Variants in ARHGAP15 observed in about 807,000 individuals in gnomAD.
The protein encoded by ARHGAP15 is Rho GTPase activating protein 15.
In ARHGAP15, 51 loss-of-function variants were observed where a neutral mutation model predicts 63.7. That is an observed-to-expected ratio of 0.80 (90% CI 0.64 to 1.01). The LOEUF is 1.01. Ranked by LOEUF, ARHGAP15 falls within the 50% of genes least tolerant of loss-of-function variation. The pLI is 0.00. For missense variants in ARHGAP15, 560 were observed against 564.6 expected, an observed-to-expected ratio of 0.99 and a Z score of 0.08; for synonymous variants, 191 against 193.8, an observed-to-expected ratio of 0.99 and a Z score of 0.12.
At chr2:143,509,344 A>AAT (rs1327336095) in intron 9 of ARHGAP15, among the ~76,000 whole-genome samples, 3 of 152,024 alleles carry the variant, frequency 2.0e-5, no homozygotes, top group South Asian at 4.1e-4. Flanking sequence ...AAAAAAAAAA[A>AAT]AATAAGTAAA....
At chr2:143,644,947 A>G (rs1431867878) in intron 12 of ARHGAP15, among the ~76,000 whole-genome samples, 8 of 152,102 alleles carry the variant, frequency 5.3e-5, no homozygotes, top group African/African-American at 1.9e-4. Context: ...AAAGTATAGA[A>G]AACTGTATGT....
chr2:143,720,472 G>A (rs1212767014), intron 13 of ARHGAP15, among the ~76,000 whole-genome samples: 1 of 152,152 alleles, frequency 6.6e-6, no homozygotes, highest in Admixed American at 6.5e-5. Flanking sequence ...TCCATCAGAA[G>A]AGCCTAATGG....
intron 13 of ARHGAP15, among the ~76,000 whole-genome samples, chr2:143,747,893 T>TA (rs145891403): frequency 0.022 from 3,313 of 152,272 alleles, 100 homozygotes; most frequent in African/African-American, 0.074. Flanking sequence ...TCAGAACACA[T>TA]ATACTTTTTA....
At chr2:143,675,059 C>T (rs1364026834) in intron 12 of ARHGAP15, among the ~76,000 whole-genome samples, 1 of 152,218 alleles carries the variant, frequency 6.6e-6, no homozygotes, top group Non-Finnish European at 1.5e-5. Context: ...TCAAACTCTG[C>T]CACTGCTTTA....
intron 11 of ARHGAP15, among the ~76,000 whole-genome samples, chr2:143,572,415 C>T (rs114770483): frequency 0.012 from 1,796 of 152,246 alleles, 34 homozygotes; most frequent in African/African-American, 0.04. Context: ...TTCCTCTCTC[C>T]CTCTCCCTTT....
intron 10 of ARHGAP15, among the ~76,000 whole-genome samples, chr2:143,538,043 C>G (rs1187179981): frequency 2.0e-5 from 3 of 152,188 alleles, no homozygotes; most frequent in Non-Finnish European, 2.9e-5. Flanking sequence ...TTTGTATCCT[C>G]TTTTATTTCC....
chr2:143,302,632 A>G (rs1310623180), intron 6 of ARHGAP15, among the ~76,000 whole-genome samples: 1 of 152,032 alleles, frequency 6.6e-6, no homozygotes, highest in Non-Finnish European at 1.5e-5. Context: ...TCCAGTTTGT[A>G]GATGACTCTA....
At chr2:143,496,877 A>G (rs1157606563) in intron 9 of ARHGAP15, among the ~76,000 whole-genome samples, 2 of 152,200 alleles carry the variant, frequency 1.3e-5, no homozygotes, top group Non-Finnish European at 2.9e-5. Context: ...TAAAACCCAT[A>G]CTAAATTTTG....
chr2:143,419,028 A>C (rs963945742), intron 6 of ARHGAP15, among the ~76,000 whole-genome samples: 2 of 152,224 alleles, frequency 1.3e-5, no homozygotes, highest in African/African-American at 4.8e-5. Context: ...CATTCAAAAT[A>C]AATTGGGGAA....
intron 3 of ARHGAP15, among the ~76,000 whole-genome samples, chr2:143,214,348 C>T (rs906737326): frequency 1.3e-5 from 2 of 152,044 alleles, no homozygotes; most frequent in East Asian, 1.9e-4. Flanking sequence ...AGAAAGGAAC[C>T]TCCTTTGTGG....
intron 2 of ARHGAP15, among the ~76,000 whole-genome samples, chr2:143,177,869 G>A (rs1373941788): frequency 2.0e-5 from 3 of 151,932 alleles, no homozygotes; most frequent in African/African-American, 7.3e-5. Context: ...CTTTATTTTA[G>A]AAAATAGTTA....
intron 11 of ARHGAP15, among the ~76,000 whole-genome samples, chr2:143,580,547 A>G (rs928364390): frequency 6.6e-6 from 1 of 152,128 alleles, no homozygotes; most frequent in Non-Finnish European, 1.5e-5. Flanking sequence ...CCCATTTTTC[A>G]AAACTCCACT....
Position 143,768,236 on chromosome 2 carries a change from G to A in ARHGAP15, c.*64G>A, listed in dbSNP as rs536322572. ...TGATGCCTAATATTTTTACATTTCTGTAAACATATTTCTGAAATATTTTTT... is the reference window on the plus strand; with the variant it reads ...TGATGCCTAATATTTTTACATTTCTATAAACATATTTCTGAAATATTTTTT... On this transcript the variant is annotated 3_prime_UTR_variant, in exon 14 of 14. Coordinates refer to ENST00000295095, the MANE Select transcript of ARHGAP15 (RefSeq NM_018460.4). 5 of 1,466,688 alleles carry A rather than the reference G, an allele frequency of 3.4e-6. No homozygotes were observed. Among genetic ancestry groups the A allele is most frequent in the East Asian group, 2.4e-5 (1 of 41,208 alleles). The allele number at this position is 1,466,688 out of a possible 1,614,324, so 90.9% of individuals were successfully genotyped here.
intron 6 of ARHGAP15, among the ~76,000 whole-genome samples, chr2:143,275,947 A>G (rs1037641007): frequency 1.4e-4 from 21 of 152,190 alleles, no homozygotes; most frequent in African/African-American, 4.8e-4. Context: ...GTCTTAAGCT[A>G]TTAGGTACCT....
chr2:143,415,161 T>A (rs958080239), intron 6 of ARHGAP15, among the ~76,000 whole-genome samples: 3 of 152,082 alleles, frequency 2.0e-5, no homozygotes, highest in African/African-American at 7.2e-5. Flanking sequence ...ATATCCTAAC[T>A]AAGACACAAT....
At chr2:143,748,869 G>T (rs1686265237) in intron 13 of ARHGAP15, among the ~76,000 whole-genome samples, 1 of 152,138 alleles carries the variant, frequency 6.6e-6, no homozygotes, top group African/African-American at 2.4e-5. Context: ...TGACTGGCAT[G>T]AATGTAGAAT....
At chr2:143,627,575 A>G (rs1318026855) in intron 12 of ARHGAP15, among the ~76,000 whole-genome samples, 1 of 152,188 alleles carries the variant, frequency 6.6e-6, no homozygotes, top group African/African-American at 2.4e-5. Flanking sequence ...ACAGGGCTTT[A>G]TCATAGCTTA....
At chr2:143,160,759 T>G (rs1690260670) in intron 2 of ARHGAP15, among the ~76,000 whole-genome samples, 2 of 151,972 alleles carry the variant, frequency 1.3e-5, no homozygotes, top group South Asian at 2.1e-4. Context: ...GGAGATTTCT[T>G]TCCTTGTCCA....
intron 6 of ARHGAP15, among the ~76,000 whole-genome samples, chr2:143,312,528 G>A (rs1054062097): frequency 6.6e-6 from 1 of 151,856 alleles, no homozygotes; most frequent in African/African-American, 2.4e-5. Context: ...TTGCAGTAAC[G>A]TATGTCATGA....
Sources: allele counts gnomAD v4.1 joint callset (sites outside exome capture counted in the v4.1 genomes callset), GRCh38; gene constraint gnomAD v4.1.1; transcripts MANE v1.5; gene names NCBI Gene and HGNC (gene_info 2026-07-23, HGNC 2026-07-21).